ADCY8: variants seen among roughly 807,000 people sequenced by gnomAD.
ADCY8 encodes the protein adenylate cyclase 8, also known as adenylate cyclase type 8.
ADCY8 carries 51 observed loss-of-function variants against 119.7 expected under a neutral mutation model. That is an observed-to-expected ratio of 0.43 (90% confidence interval 0.34 to 0.54). ADCY8 has a LOEUF of 0.54. Ranked by LOEUF, ADCY8 falls within the 20% of genes least tolerant of loss-of-function variation. The pLI is 0.03. For synonymous variants in ADCY8, 665 were observed against 651.0 expected (o/e 1.02, Z -0.33); for missense variants, 1,383 against 1,598.8 (o/e 0.87, Z 2.30).
chr8:130,963,322 G>A (rs1336698217), intron 2 of ADCY8, among the ~76,000 whole-genome samples: 1 of 152,136 alleles, frequency 6.6e-6, no homozygotes, highest in Non-Finnish European at 1.5e-5. Flanking sequence ...GGCTGCTTTA[G>A]CAAAATGGTC....
intron 2 of ADCY8, among the ~76,000 whole-genome samples, chr8:130,972,131 C>T (rs962728772): frequency 1.3e-5 from 2 of 152,156 alleles, no homozygotes; most frequent in African/African-American, 2.4e-5. Flanking sequence ...GGAGGGAATA[C>T]ATTATTTCAA....
intron 8 of ADCY8, among the ~76,000 whole-genome samples, chr8:130,883,814 G>A (rs1276211202): frequency 2.6e-5 from 4 of 152,168 alleles, no homozygotes; most frequent in Non-Finnish European, 5.9e-5. Context: ...CAAAGCTGAG[G>A]TGGGGGAGGG....
At chr8:130,816,210 A>T (rs1301255238) in intron 13 of ADCY8, among the ~76,000 whole-genome samples, 2 of 152,214 alleles carry the variant, frequency 1.3e-5, no homozygotes, top group Non-Finnish European at 2.9e-5. Context: ...GAAACAAACC[A>T]AATGTTCATT....
intron 1 of ADCY8, among the ~76,000 whole-genome samples, chr8:131,037,303 G>A (rs1824187214): frequency 6.6e-6 from 1 of 152,066 alleles, no homozygotes; most frequent in Non-Finnish European, 1.5e-5. Flanking sequence ...TGAGATGAGG[G>A]TGGGAAGACA....
intron 9 of ADCY8, 97 bp downstream of exon 9, chr8:130,867,749 T>C (rs1818178629): frequency 2.4e-6 from 2 of 819,142 alleles, no homozygotes; most frequent in Non-Finnish European, 3.9e-6. Flanking sequence ...GACTCAGTTA[T>C]TTTAAATTCT....
chr8:130,940,674 C>A (rs1820929456), intron 4 of ADCY8, among the ~76,000 whole-genome samples: 1 of 152,006 alleles, frequency 6.6e-6, no homozygotes, highest in African/African-American at 2.4e-5. Flanking sequence ...CAGAAACTAC[C>A]TTGAAAAGAT....
intron 7 of ADCY8, among the ~76,000 whole-genome samples, chr8:130,888,932 C>T (rs1335143083): frequency 6.6e-6 from 1 of 152,056 alleles, no homozygotes; most frequent in African/African-American, 2.4e-5. Flanking sequence ...AGACTGCAGG[C>T]TGAAGGTGTA....
chr8:130,803,705 G>A (rs1262116536), intron 14 of ADCY8, among the ~76,000 whole-genome samples: 1 of 152,210 alleles, frequency 6.6e-6, no homozygotes, highest in Admixed American at 6.5e-5. Context: ...TTAAGTCATT[G>A]TTTTGGATCA....
intron 7 of ADCY8, among the ~76,000 whole-genome samples, chr8:130,896,036 C>G (rs1192063682): frequency 6.6e-6 from 1 of 152,100 alleles, no homozygotes; most frequent in Non-Finnish European, 1.5e-5. Context: ...GGTGGACTTG[C>G]TTTTTCTCCC....
At chr8:130,854,271 A>G (rs576591995) in intron 9 of ADCY8, among the ~76,000 whole-genome samples, 20 of 152,354 alleles carry the variant, frequency 1.3e-4, no homozygotes, top group East Asian at 9.6e-4. Context: ...GAAACCTTTC[A>G]TTTCTGAAAT....
At chr8:130,878,680 A>C (rs1797289628) in intron 8 of ADCY8, among the ~76,000 whole-genome samples, 1 of 152,230 alleles carries the variant, frequency 6.6e-6, no homozygotes, top group Non-Finnish European at 1.5e-5. Context: ...CTGCATTTCA[A>C]ACAAGATCCC....
At chr8:130,872,739 G>A (rs925420546) in intron 8 of ADCY8, among the ~76,000 whole-genome samples, 1 of 152,116 alleles carries the variant, frequency 6.6e-6, no homozygotes, top group African/African-American at 2.4e-5. Context: ...TAATAGGGAA[G>A]AAAACAAAAG....
At chr8:130,837,543 C>A (rs1817026580) in intron 11 of ADCY8, among the ~76,000 whole-genome samples, 1 of 152,158 alleles carries the variant, frequency 6.6e-6, no homozygotes, top group Non-Finnish European at 1.5e-5. Context: ...GCTTAAATTG[C>A]AAATTTGGAA....
chr8:130,887,149 A>C (rs1295823605), intron 7 of ADCY8, among the ~76,000 whole-genome samples: 1 of 152,178 alleles, frequency 6.6e-6, no homozygotes, highest in Non-Finnish European at 1.5e-5. Flanking sequence ...TGTAGAGGAC[A>C]TTTGGAAATT....
intron 2 of ADCY8, among the ~76,000 whole-genome samples, chr8:130,984,150 G>C (rs1405524241): frequency 6.6e-6 from 1 of 152,052 alleles, no homozygotes; most frequent in African/African-American, 2.4e-5. Context: ...GGCTCCCTGT[G>C]TGGGACAGAG....
At chr8:130,919,124 A>C (rs1003034196) in intron 5 of ADCY8, among the ~76,000 whole-genome samples, 37 of 152,232 alleles carry the variant, frequency 2.4e-4, no homozygotes, top group Non-Finnish European at 4.4e-4. Flanking sequence ...GTTTAAACAG[A>C]GCTCTGTGGG....
chr8:130,963,015 T>C (rs6997190), intron 2 of ADCY8, among the ~76,000 whole-genome samples: 119,176 of 152,170 alleles, frequency 0.78, 50,085 homozygotes, highest in East Asian at 0.95. Context: ...ATTATACGTA[T>C]GAAGATACTG....
intron 1 of ADCY8, among the ~76,000 whole-genome samples, chr8:130,999,039 C>A (rs1320589257): frequency 6.6e-6 from 1 of 152,048 alleles, no homozygotes; most frequent in Non-Finnish European, 1.5e-5. Flanking sequence ...TCACGTATAA[C>A]CCTGAACTTT....
intron 14 of ADCY8, among the ~76,000 whole-genome samples, chr8:130,811,012 G>A (rs371449547): frequency 5.9e-5 from 9 of 151,952 alleles, no homozygotes; most frequent in African/African-American, 2.2e-4. Context: ...TCCATCTGGT[G>A]GTCATGGTTG....
Sources: allele counts gnomAD v4.1 joint callset (sites outside exome capture counted in the v4.1 genomes callset), GRCh38; gene constraint gnomAD v4.1.1; transcripts MANE v1.5; gene names NCBI Gene and HGNC (gene_info 2026-07-23, HGNC 2026-07-21).